DOCK3: variants seen among roughly 807,000 people sequenced by gnomAD.
DOCK3 encodes dedicator of cytokinesis protein 3.
Under a neutral mutation model 265.6 loss-of-function variants are expected in DOCK3, and 60 were observed. That is an observed-to-expected ratio of 0.23 (90% confidence interval 0.18 to 0.28). The LOEUF (loss-of-function observed/expected upper bound fraction) is 0.28. DOCK3 is among the 10% of genes least tolerant of loss of function. The pLI is 1.00. For missense variants in DOCK3, 1,981 were observed against 2,594.3 expected (o/e 0.76, Z 5.14); for synonymous variants, 881 against 938.0 (o/e 0.94, Z 1.11).
chr3:50,806,340 G>A (rs2043412904), intron 2 of DOCK3, among the ~76,000 whole-genome samples: 1 of 152,038 alleles, frequency 6.6e-6, no homozygotes, highest in Admixed American at 6.5e-5. Flanking sequence ...TGGCTGACCT[G>A]GGGGCACACC....
At chr3:51,211,889 C>T (rs554814142) in intron 13 of DOCK3, among the ~76,000 whole-genome samples, 1 of 152,266 alleles carries the variant, frequency 6.6e-6, no homozygotes, top group Admixed American at 6.5e-5. Flanking sequence ...AATGGGATGG[C>T]TGGGTTGATT....
At chr3:50,935,233 A>G (rs970240219) in intron 5 of DOCK3, among the ~76,000 whole-genome samples, 1 of 152,220 alleles carries the variant, frequency 6.6e-6, no homozygotes, top group Non-Finnish European at 1.5e-5. Context: ...CTAAGAGAAC[A>G]GCACAATAAA....
intron 9 of DOCK3, among the ~76,000 whole-genome samples, chr3:51,134,100 G>T (rs1396301590): frequency 6.6e-6 from 1 of 152,134 alleles, no homozygotes; most frequent in African/African-American, 2.4e-5. Context: ...TTCCTGCAAA[G>T]GACAGGATCT....
chr3:51,161,401 G>GCC (rs2086132384), intron 12 of DOCK3, among the ~76,000 whole-genome samples: 1 of 149,714 alleles, frequency 6.7e-6, no homozygotes, highest in African/African-American at 2.5e-5. Flanking sequence ...CTGAGATCAT[G>GCC]CCACTGCACT....
intron 27 of DOCK3, 61 bp downstream of exon 27, chr3:51,280,265 CT>C: frequency 1.3e-6 from 2 of 1,489,272 alleles, no homozygotes; most frequent in Non-Finnish European, 1.8e-6. Flanking sequence ...TCCCCAGGGG[CT>C]TTTTCCCTGT....
chr3:51,378,321 A>G (rs2088308160), intron 51 of DOCK3, among the ~76,000 whole-genome samples: 1 of 152,204 alleles, frequency 6.6e-6, no homozygotes, highest in Non-Finnish European at 1.5e-5. Context: ...AATGAGGAAG[A>G]AGAGGATGAT....
chr3:51,041,160 A>ATGTG (rs1304136705), intron 5 of DOCK3, among the ~76,000 whole-genome samples: 3 of 49,978 alleles, frequency 6.0e-5, no homozygotes, highest in Non-Finnish European at 7.7e-5. Context: ...GCCTTACAAA[A>ATGTG]TGTATATATA....
intron 22 of DOCK3, among the ~76,000 whole-genome samples, chr3:51,257,362 C>T (rs1030103268): frequency 6.6e-6 from 1 of 152,184 alleles, no homozygotes; most frequent in Non-Finnish European, 1.5e-5. Context: ...AAACTTCTTC[C>T]TTAATACTTT....
chr3:51,169,183 C>G (rs528244572), intron 12 of DOCK3, among the ~76,000 whole-genome samples: 20 of 152,232 alleles, frequency 1.3e-4, no homozygotes, highest in African/African-American at 4.8e-4. Context: ...TATGTTGATT[C>G]CTCAAAAACC....
intron 12 of DOCK3, among the ~76,000 whole-genome samples, chr3:51,176,236 A>G (rs2086944385): frequency 6.6e-6 from 1 of 152,114 alleles, no homozygotes; most frequent in African/African-American, 2.4e-5. Flanking sequence ...GGTCCCAAGT[A>G]TTTTCTGCCG....
intron 4 of DOCK3, among the ~76,000 whole-genome samples, chr3:50,925,855 G>A (rs1200364109): frequency 8.8e-6 from 1 of 114,182 alleles, no homozygotes; most frequent in Admixed American, 9.4e-5. Context: ...TTTTGAGACA[G>A]AGTCTCACTC....
intron 1 of DOCK3, among the ~76,000 whole-genome samples, chr3:50,719,268 C>CT (rs71084106): frequency 0.85 from 118,086 of 138,684 alleles, 49,948 homozygotes; most frequent in East Asian, 0.92. Flanking sequence ...TAGATATTTT[C>CT]TTTTTTTTTT....
chr3:51,032,186 C>T (rs988992945), intron 5 of DOCK3, among the ~76,000 whole-genome samples: 1 of 151,568 alleles, frequency 6.6e-6, no homozygotes, highest in African/African-American at 2.4e-5. Context: ...TACTTTATTT[C>T]TCACTTCAGT....
At chr3:51,217,133 A>G (rs1012687582) in intron 14 of DOCK3, among the ~76,000 whole-genome samples, 11 of 142,666 alleles carry the variant, frequency 7.7e-5, no homozygotes, top group African/African-American at 1.1e-4. Context: ...GGCAGAAACT[A>G]TCAAACACTC....
intron 1 of DOCK3, among the ~76,000 whole-genome samples, chr3:50,748,321 T>C (rs1214740277): frequency 6.6e-6 from 1 of 152,088 alleles, no homozygotes; most frequent in Non-Finnish European, 1.5e-5. Context: ...GGTTTCTGAG[T>C]TTAGAGGGAA....
intron 4 of DOCK3, among the ~76,000 whole-genome samples, chr3:50,905,542 C>T (rs1393929941): frequency 9.9e-5 from 15 of 152,072 alleles, no homozygotes; most frequent in Non-Finnish European, 1.0e-4. Context: ...TGGGAGTTCA[C>T]TCATGATTTG....
chr3:50,925,086 A>T (rs2050690630), intron 4 of DOCK3, among the ~76,000 whole-genome samples: 1 of 152,110 alleles, frequency 6.6e-6, no homozygotes, highest in Admixed American at 6.6e-5. Context: ...GGTTACTGTT[A>T]TTTTTATGTC....
At chr3:50,958,257 G>C (rs935933354) in intron 5 of DOCK3, among the ~76,000 whole-genome samples, 1 of 152,178 alleles carries the variant, frequency 6.6e-6, no homozygotes, top group African/African-American at 2.4e-5. Flanking sequence ...AAGAATAGCT[G>C]CACCTTCAGT....
At chr3:51,145,956 G>A (rs968033392) in intron 9 of DOCK3, among the ~76,000 whole-genome samples, 15 of 152,110 alleles carry the variant, frequency 9.9e-5, no homozygotes, top group Admixed American at 9.2e-4. Flanking sequence ...GGGTTTGTGC[G>A]CCTGTGAAAA....
Sources: allele counts gnomAD v4.1 joint callset (sites outside exome capture counted in the v4.1 genomes callset), GRCh38; gene constraint gnomAD v4.1.1; transcripts MANE v1.5; gene names NCBI Gene and HGNC (gene_info 2026-07-23, HGNC 2026-07-21).